SETD9: variants seen among roughly 807,000 people sequenced by gnomAD.
SETD9 encodes SET domain-containing protein 9.
In SETD9, 37 loss-of-function variants were observed where a neutral mutation model predicts 36.4. The observed-to-expected ratio is 1.02, with a 90% CI of 0.78 to 1.34. SETD9 has a LOEUF of 1.34. Among genes scored for constraint, SETD9 ranks in the 40% most tolerant of loss-of-function variants. The probability of loss-of-function intolerance (pLI) is 0.00; values close to 1 mark genes in which losing one functional copy is unlikely to be tolerated. For synonymous variants in SETD9, 128 were observed against 132.9 expected (o/e 0.96, Z 0.26); for missense variants, 323 against 353.2 (o/e 0.91, Z 0.69).
chr5:56,917,589 C>T (rs535830219), downstream of SETD9, among the ~76,000 whole-genome samples: 111 of 152,272 alleles, frequency 7.3e-4, no homozygotes, highest in African/African-American at 2.6e-3. Flanking sequence ...GAGATTGACT[C>T]CCTGATTATG....
chr5:56,917,458 G>T (rs760899704), downstream of SETD9: 1 of 472,194 alleles, frequency 2.1e-6, no homozygotes, highest in Non-Finnish European at 2.8e-6. Context: ...CCAAAGAAAA[G>T]GTGGAAAAAA....
intron 5 of SETD9, 35 bp downstream of exon 5, chr5:56,915,001 C>T (rs1283360591): frequency 1.4e-6 from 2 of 1,441,158 alleles, no homozygotes; most frequent in South Asian, 2.8e-5. Context: ...ATATCTTCTG[C>T]TTATGCTGTA....
chr5:56,909,807 G>T, intron 1 of SETD9, 64 bp downstream of exon 1: 1 of 1,503,216 alleles, frequency 6.7e-7, no homozygotes, highest in Middle Eastern at 1.7e-4. Context: ...CACCACGGCG[G>T]CGGGACGCAA....
downstream of SETD9, among the ~76,000 whole-genome samples, chr5:56,918,959 A>C (rs1749537348): frequency 6.6e-6 from 1 of 152,210 alleles, no homozygotes; most frequent in African/African-American, 2.4e-5. Context: ...AATCGTATGG[A>C]TAAGGAAGAC....
chr5:56,920,512 A>G (rs993146317), downstream of SETD9: 20 of 152,606 alleles, frequency 1.3e-4, no homozygotes, highest in African/African-American at 4.8e-4. Flanking sequence ...ACTTGATAAT[A>G]AAGGCATTAT....
chr5:56,923,642 C>G (rs1749800488), intron 5 of SETD9: 2 of 1,613,174 alleles, frequency 1.2e-6, no homozygotes, highest in Middle Eastern at 3.3e-4. Context: ...AAACAGAGGA[C>G]ACAATTTTGC....
At chr5:56,917,783 C>T (rs1304203640), downstream of SETD9, among the ~76,000 whole-genome samples, 1 of 152,224 alleles carries the variant, frequency 6.6e-6, no homozygotes, top group Non-Finnish European at 1.5e-5. Context: ...GCCAACCTGG[C>T]TGCAGCCCTG....
chr5:56,928,752 A>C (rs1294090521), downstream of SETD9: 1 of 1,574,896 alleles, frequency 6.3e-7, no homozygotes, highest in Non-Finnish European at 8.7e-7. Flanking sequence ...ATCTGTACTA[A>C]TCTGCCTAAT....
upstream of SETD9, chr5:56,909,508 A>C: frequency 1.7e-6 from 1 of 583,432 alleles, no homozygotes; most frequent in South Asian, 2.3e-5. Flanking sequence ...AACAGAAGTC[A>C]GGCGGTGCCA....
downstream of SETD9, among the ~76,000 whole-genome samples, chr5:56,919,405 G>A (rs190753118): frequency 3.9e-4 from 60 of 152,004 alleles, 1 homozygote; most frequent in African/African-American, 1.3e-3. Context: ...ATTACAGGGG[G>A]ACTTTTATTA....
At chr5:56,918,066 T>A (rs769555866), downstream of SETD9, among the ~76,000 whole-genome samples, 7 of 152,202 alleles carry the variant, frequency 4.6e-5, no homozygotes, top group Non-Finnish European at 1.0e-4. Flanking sequence ...TGTGATTCTT[T>A]TAAATGAAAG....
upstream of SETD9, chr5:56,909,314 G>A (rs1748964788): frequency 2.2e-5 from 5 of 230,316 alleles, no homozygotes; most frequent in East Asian, 4.9e-4. Flanking sequence ...GGTCTCGGGG[G>A]CGGGTTCGCC....
chr5:56,917,375 A>G (rs1749482159), downstream of SETD9: 1 of 942,790 alleles, frequency 1.1e-6, no homozygotes. Flanking sequence ...TAATGTAAAG[A>G]TTGCTCTAGC....
chr5:56,919,003 A>G (rs1477361298), downstream of SETD9, among the ~76,000 whole-genome samples: 1 of 152,132 alleles, frequency 6.6e-6, no homozygotes. Flanking sequence ...TCAAATAATA[A>G]TAATATTTGA....
intron 1 of SETD9, chr5:56,910,586 A>G: frequency 3.0e-6 from 1 of 337,868 alleles, no homozygotes; most frequent in East Asian, 1.0e-4. Context: ...CGGGAATTAC[A>G]ACCTTTTTGT....
upstream of SETD9, chr5:56,909,526 TGA>T: frequency 1.5e-6 from 1 of 673,960 alleles, no homozygotes; most frequent in Non-Finnish European, 2.4e-6. Context: ...CCAGGAACAC[TGA>T]GAGCGGAGCC....
At chr5:56,915,097 T>C (rs1246366124) in intron 5 of SETD9, 131 bp downstream of exon 5, 1 of 470,482 alleles carries the variant, frequency 2.1e-6, no homozygotes, top group Non-Finnish European at 3.7e-6. Flanking sequence ...GATTTTTATG[T>C]TCACACCTTA....
chr5:56,921,913 A>G (rs1579826650), downstream of SETD9: 1 of 152,666 alleles, frequency 6.6e-6, no homozygotes, highest in African/African-American at 2.4e-5. Flanking sequence ...GTTTAGGACA[A>G]TGGCTTCTCA....
rs979767301 is a variant in SETD9, at chr5:56,913,137, A to G, written c.590+3A>G. On this transcript the variant is annotated splice_donor_region_variant and intron_variant, in intron 3 of 5. Transcript: ENST00000285947. ...GGGATATCAAAAGTTGTGTACAGGT[A>G]AGTGATGCCCATGTTCAAATTTAAT... 10 of 1,613,568 alleles carry G rather than the reference A, an allele frequency of 6.2e-6. No homozygotes were observed. The highest frequency in any genetic ancestry group is 7.6e-6 in the Non-Finnish European group (9 of 1,179,846).
Sources: allele counts gnomAD v4.1 joint callset (sites outside exome capture counted in the v4.1 genomes callset), GRCh38; gene constraint gnomAD v4.1.1; transcripts MANE v1.5; gene names NCBI Gene and HGNC (gene_info 2026-07-23, HGNC 2026-07-21).